EPHX4: variants seen among roughly 807,000 people sequenced by gnomAD.
EPHX4 encodes epoxide hydrolase 4.
In EPHX4, 31 loss-of-function variants were observed where a neutral mutation model predicts 44.9. The observed-to-expected ratio is 0.69, with a 90% CI of 0.52 to 0.93. EPHX4 has a LOEUF of 0.93. EPHX4 is among the 40% of genes least tolerant of loss of function. The pLI, the probability that EPHX4 is intolerant of heterozygous loss-of-function variation, is 0.00. For synonymous variants in EPHX4, 151 were observed against 159.7 expected, an observed-to-expected ratio of 0.95 and a Z score of 0.41; for missense variants, 373 against 438.1, an observed-to-expected ratio of 0.85 and a Z score of 1.33.
chr1:92,052,058 C>A lies in EPHX4; in HGVS notation c.709-452C>A, dbSNP rs144364077. Among the ~76,000 whole-genome samples, 6 of 152,118 alleles carry A rather than the reference C, an allele frequency of 3.9e-5. No homozygotes were observed. The East Asian group carries it at 1.2e-3, about 29-fold the overall frequency. On this transcript the variant is annotated intron_variant, in intron 5 of 6. Transcript: ENST00000370383. ...TAGAGACATTATTCTTTTGGATGCCCAAATTATCCCACAATAGGCATCAAA... is the reference window on the plus strand; with the variant it reads ...TAGAGACATTATTCTTTTGGATGCCAAAATTATCCCACAATAGGCATCAAA...
chr1:92,051,016 A>G (rs1179613565), intron 5 of EPHX4, among the ~76,000 whole-genome samples: 2 of 151,876 alleles, frequency 1.3e-5, no homozygotes, highest in African/African-American at 2.4e-5. Flanking sequence ...TATTTTTTGT[A>G]GAGACTGGGT....
At chr1:92,034,716 A>G (rs1363047938) in intron 2 of EPHX4, among the ~76,000 whole-genome samples, 3 of 149,260 alleles carry the variant, frequency 2.0e-5, no homozygotes, top group Non-Finnish European at 4.4e-5. Context: ...ATCTCAGCTC[A>G]TTGCAACCTC....
chr1:92,051,719 A>G (rs1373990468), intron 5 of EPHX4, among the ~76,000 whole-genome samples: 1 of 152,240 alleles, frequency 6.6e-6, no homozygotes, highest in Admixed American at 6.5e-5. Context: ...TACTAATGCT[A>G]ACAGTGATCA....
chr1:92,053,472 C>T (rs1354447919), intron 6 of EPHX4, among the ~76,000 whole-genome samples: 3 of 152,076 alleles, frequency 2.0e-5, no homozygotes, highest in African/African-American at 7.2e-5. Context: ...GAAAAACAAC[C>T]TACATGTGTA....
At chr1:92,043,157 G>T (rs1688534287) in intron 3 of EPHX4, 177 bp downstream of exon 3, 2 of 504,056 alleles carry the variant, frequency 4.0e-6, no homozygotes, top group Non-Finnish European at 6.9e-6. Flanking sequence ...TTAAAATGAT[G>T]CATCTAGAGC....
intron 2 of EPHX4, among the ~76,000 whole-genome samples, chr1:92,033,588 T>C (rs1039399328): frequency 6.6e-6 from 1 of 152,168 alleles, no homozygotes; most frequent in African/African-American, 2.4e-5. Flanking sequence ...CACAGAGCAA[T>C]AGGCTTATAT....
chr1:92,049,925 C>G (rs918158614), intron 4 of EPHX4, among the ~76,000 whole-genome samples: 2 of 152,058 alleles, frequency 1.3e-5, no homozygotes, highest in African/African-American at 4.8e-5. Context: ...TGGCGAAACT[C>G]TGCCTCTACT....
chr1:92,037,592 A>G (rs963725019), intron 2 of EPHX4, among the ~76,000 whole-genome samples: 7 of 152,152 alleles, frequency 4.6e-5, no homozygotes, highest in Non-Finnish European at 7.4e-5. Flanking sequence ...TGCATGCGTC[A>G]TCACTCAAGT....
intron 5 of EPHX4, among the ~76,000 whole-genome samples, chr1:92,051,782 A>G (rs1188184734): frequency 6.6e-6 from 1 of 152,102 alleles, no homozygotes; most frequent in Non-Finnish European, 1.5e-5. Context: ...CCTTCCACCA[A>G]ATTAATTTTA....
chr1:92,053,294 G>T (rs1351061331), intron 6 of EPHX4, among the ~76,000 whole-genome samples: 6 of 152,142 alleles, frequency 3.9e-5, no homozygotes, highest in Non-Finnish European at 5.9e-5. Flanking sequence ...GAAGATGGAG[G>T]AGGGTTGTAG....
At chr1:92,045,480 T>C in intron 3 of EPHX4, 52 bp from the exon 4 acceptor site, 2 of 1,603,340 alleles carry the variant, frequency 1.2e-6, no homozygotes, top group South Asian at 2.2e-5. Context: ...GAGGTAACAG[T>C]GCACCCACCT....
chr1:92,040,421 C>T (rs1297125210), intron 2 of EPHX4, among the ~76,000 whole-genome samples: 3 of 150,594 alleles, frequency 2.0e-5, no homozygotes, highest in Non-Finnish European at 4.4e-5. Context: ...CTCAGCTCAC[C>T]TCAACCTCCG....
At chr1:92,033,104 G>A (rs951623522) in intron 2 of EPHX4, among the ~76,000 whole-genome samples, 4 of 148,090 alleles carry the variant, frequency 2.7e-5, no homozygotes, top group African/African-American at 1.0e-4. Flanking sequence ...TTTTGGAGGT[G>A]GGATCTTGCT....
intron 2 of EPHX4, 60 bp from the exon 3 acceptor site, chr1:92,042,763 G>C (rs565734266): frequency 1.0e-6 from 1 of 973,452 alleles, no homozygotes; most frequent in South Asian, 1.7e-5. Flanking sequence ...AAGAAAATCT[G>C]TAATGTTACT....
At chr1:92,044,269 TAA>T (rs1336700286) in intron 3 of EPHX4, among the ~76,000 whole-genome samples, 2 of 152,132 alleles carry the variant, frequency 1.3e-5, no homozygotes, top group East Asian at 1.9e-4. Context: ...CTGATTACAG[TAA>T]AAGAGACTCA....
chr1:92,042,807 T>C lies in EPHX4; in HGVS notation c.318-16T>C. ...TAGCTAATATGATATTTTAAATGCTTCCTTTTTTCCTGCAGGTATTCTTGG... is the reference window on the plus strand; with the variant it reads ...TAGCTAATATGATATTTTAAATGCTCCCTTTTTTCCTGCAGGTATTCTTGG... On this transcript the variant is annotated splice_polypyrimidine_tract_variant and intron_variant, in intron 2 of 6. Transcript: ENST00000370383. 1 of 1,601,534 alleles carries C rather than the reference T, an allele frequency of 6.2e-7. No homozygotes were observed. Among genetic ancestry groups the C allele is most frequent in the Non-Finnish European group, 8.5e-7 (1 of 1,175,680 alleles).
rs1326928763 is a variant in EPHX4 at position 92,030,485 on chromosome 1, T to TGTGTGTGTGA, written c.231+176_231+177insTGTGTGTGAG. 2.2e-4 allele frequency among the ~76,000 whole-genome samples: 31 copies of TGTGTGTGTGA among 138,716 alleles called. 1 individual carries two copies. The highest frequency in any genetic ancestry group is 8.0e-4 in the African/African-American group (29 of 36,250). The allele number at this position is 138,716 out of a possible 152,430, so 91.0% of individuals were successfully genotyped here. ...GTGTGTGTGTGTGTGTGTGTGTGTG[T>TGTGTGTGTGA]GAGAGAGAGAGAGAGAGAGAGAGAT... On this transcript the variant is annotated intron_variant, in intron 1 of 6. Coordinates refer to ENST00000370383, the MANE Select transcript of EPHX4 (RefSeq NM_173567.5).
intron 6 of EPHX4, among the ~76,000 whole-genome samples, chr1:92,054,583 A>C (rs1423041211): frequency 2.2e-5 from 3 of 137,558 alleles, no homozygotes; most frequent in Admixed American, 1.5e-4. Flanking sequence ...GAGAGACTCC[A>C]TCTCAAAAAA....
chr1:92,049,187 C>T (rs1436064590), intron 4 of EPHX4, among the ~76,000 whole-genome samples: 1 of 152,094 alleles, frequency 6.6e-6, no homozygotes, highest in East Asian at 1.9e-4. Context: ...ATTCATTATA[C>T]ACCAGCAACA....
Sources: allele counts gnomAD v4.1 joint callset (sites outside exome capture counted in the v4.1 genomes callset), GRCh38; gene constraint gnomAD v4.1.1; transcripts MANE v1.5; gene names NCBI Gene and HGNC (gene_info 2026-07-23, HGNC 2026-07-21).